GATAD2A: variants seen among roughly 807,000 people sequenced by gnomAD.
The protein encoded by GATAD2A is transcriptional repressor p66-alpha.
Under a neutral mutation model 68.5 loss-of-function variants are expected in GATAD2A, and 12 were observed. The ratio of observed to expected loss-of-function variants is 0.18; its 90% CI spans 0.11 to 0.28. The LOEUF (loss-of-function observed/expected upper bound fraction) is 0.28, where lower values mean the gene tolerates loss of function less well. Among genes scored for constraint, GATAD2A ranks in the 10% least tolerant of loss-of-function variants. The pLI is 1.00. For synonymous variants in GATAD2A, 410 were observed against 375.3 expected (o/e 1.09, Z -1.07); for missense variants, 755 against 868.5 (o/e 0.87, Z 1.64).
chr19:19,447,698 C>T (rs1485083576), intron 1 of GATAD2A, among the ~76,000 whole-genome samples: 1 of 152,210 alleles, frequency 6.6e-6, no homozygotes, highest in East Asian at 1.9e-4. Context: ...GGCTGTGATC[C>T]TCCCTGTGGC....
intron 1 of GATAD2A, among the ~76,000 whole-genome samples, chr19:19,443,607 G>A (rs1382007715): frequency 6.6e-6 from 1 of 152,172 alleles, no homozygotes; most frequent in African/African-American, 2.4e-5. Context: ...GGAGAAAGGA[G>A]CGGCATGTGG....
chr19:19,430,684 G>A (rs1212281826), intron 1 of GATAD2A, among the ~76,000 whole-genome samples: 1 of 152,150 alleles, frequency 6.6e-6, no homozygotes, highest in Non-Finnish European at 1.5e-5. Flanking sequence ...CGGATCAGGT[G>A]CTGACAGCTG....
chr19:19,464,746 G>A (rs976138064), intron 1 of GATAD2A: 1 of 160,314 alleles, frequency 6.2e-6, no homozygotes, highest in Admixed American at 5.8e-5. Flanking sequence ...TACTCAAAGT[G>A]TACCTCACTG....
rs1472945656 is a variant in GATAD2A, at chr19:19,500,225, C to T, written c.1205-893C>T. 2.0e-5 allele frequency among the ~76,000 whole-genome samples: 3 copies of T among 152,238 alleles called. No homozygotes were observed. In the South Asian group the frequency reaches 6.2e-4, roughly 31 times the overall value. On this transcript the variant is annotated intron_variant, in intron 8 of 11. Transcript: ENST00000683918. Reference sequence around the variant, plus strand: ...CCATGTCTGGTTCTGGCGCCGCTCACGCTGGCCATGGGTTGGACGTGTGCA... The same window carrying T: ...CCATGTCTGGTTCTGGCGCCGCTCATGCTGGCCATGGGTTGGACGTGTGCA...
intron 2 of GATAD2A, among the ~76,000 whole-genome samples, chr19:19,484,532 CTTTTTTT>C (rs897099165): frequency 1.6e-3 from 135 of 86,978 alleles, no homozygotes; most frequent in Non-Finnish European, 2.3e-3. Context: ...TTTTTTTTTT[CTTTTTTT>C]TTTTTTTTTT....
At chr19:19,434,902 G>A (rs746009947) in intron 1 of GATAD2A, among the ~76,000 whole-genome samples, 46 of 152,188 alleles carry the variant, frequency 3.0e-4, no homozygotes, top group Non-Finnish European at 5.9e-4. Context: ...GGAGGGTGAA[G>A]TCCGCTCATT....
In GATAD2A at chr19:19,494,918, G is replaced by A. The variant is rs530500413; in HGVS notation, c.624+535G>A. Among the ~76,000 whole-genome samples, 3 of 152,330 alleles carry A rather than the reference G, an allele frequency of 2.0e-5. No homozygotes were observed. The South Asian group carries it at 6.2e-4, about 32-fold the overall frequency. Reference sequence around the variant, plus strand: ...CTCAGGAGTGAGCCCAGGTTTGCACGGCTCTGGGTGGAGTCACTATTCCTT... The same window carrying A: ...CTCAGGAGTGAGCCCAGGTTTGCACAGCTCTGGGTGGAGTCACTATTCCTT... On this transcript the variant is annotated intron_variant, in intron 5 of 11. Transcript: ENST00000683918.
chr19:19,399,063 A>G (rs1183891936), intron 1 of GATAD2A, among the ~76,000 whole-genome samples: 1 of 151,740 alleles, frequency 6.6e-6, no homozygotes, highest in Non-Finnish European at 1.5e-5. Flanking sequence ...CGTCTCAAAA[A>G]AAAAGCAAAA....
At chr19:19,464,612 G>T (rs560433184) in intron 1 of GATAD2A, 1 of 152,560 alleles carries the variant, frequency 6.6e-6, no homozygotes, top group Admixed American at 6.5e-5. Context: ...TGTGGAGCCA[G>T]TGATGTCATG....
At chr19:19,386,367 G>A (rs2048418543) in intron 1 of GATAD2A, among the ~76,000 whole-genome samples, 1 of 149,596 alleles carries the variant, frequency 6.7e-6, no homozygotes, top group Non-Finnish European at 1.5e-5. Context: ...GGACACACCC[G>A]CCTCTCTAGG....
chr19:19,492,550 C>A lies in GATAD2A; in HGVS notation c.403-31C>A, dbSNP rs763015966. ...CCTCTGCTCCTCACCAAGGACGCTC[C>A]CTCTCAACCCTGTTCCTCTCGCCCC... On this transcript the variant is annotated intron_variant, in intron 3 of 11. Coordinates refer to ENST00000683918, the MANE Select transcript of GATAD2A (RefSeq NM_001384528.1). The A allele has an allele frequency of 1.1e-5, 18 of 1,613,108 alleles. No homozygotes were observed. The South Asian group carries it at 1.9e-4, about 17-fold the overall frequency.
chr19:19,465,244 G>A lies in GATAD2A; in HGVS notation c.-6-96G>A, dbSNP rs1025667279. On this transcript the variant is annotated intron_variant, in intron 1 of 11. Transcript: ENST00000683918. ...CATTCTTTTGCCATCCTTCCCATAG[G>A]GAGGAAAACACTGAAAGCAACACTG... The A allele has an allele frequency of 3.3e-6, 3 of 910,086 alleles. No homozygotes were observed. In the Admixed American group the frequency reaches 5.6e-5, roughly 17 times the overall value. 56.4% of individuals were successfully genotyped at this position (910,086 alleles called of 1,614,324 possible).
At chr19:19,434,811 C>T (rs1468579754) in intron 1 of GATAD2A, among the ~76,000 whole-genome samples, 1 of 152,168 alleles carries the variant, frequency 6.6e-6, no homozygotes, top group Non-Finnish European at 1.5e-5. Context: ...GTCTGTAAGA[C>T]AGGCAGCCTC....
At chr19:19,416,503 G>T (rs2051663168) in intron 1 of GATAD2A, among the ~76,000 whole-genome samples, 1 of 152,158 alleles carries the variant, frequency 6.6e-6, no homozygotes, top group Non-Finnish European at 1.5e-5. Flanking sequence ...CCAGAGATGA[G>T]ATCAGGTGAC....
intron 1 of GATAD2A, among the ~76,000 whole-genome samples, chr19:19,389,829 C>A (rs561356534): frequency 5.3e-4 from 81 of 152,258 alleles, no homozygotes; most frequent in Admixed American, 9.2e-4. Flanking sequence ...GTGGTGCGAT[C>A]TCGGCTCACT....
At position 19,507,268 on chromosome 19, in the gene GATAD2A, ATC is replaced by A. The variant is rs1374945039; in HGVS notation, c.*1795_*1796del. 2.0e-5 allele frequency: 3 copies of A among 151,188 alleles called. No homozygotes were observed. The highest frequency in any genetic ancestry group is 1.3e-4 in the Admixed American group (2 of 15,168). The allele number at this position is 151,188 out of a possible 1,614,324, so 9.4% of individuals were successfully genotyped here. A position where few individuals can be genotyped will look rare whatever the true frequency, so the allele number is the denominator to read the frequency against. Reference sequence around the variant, plus strand: ...TTTTACACCAAAAAAAAAAAAAAAAATCAAGAGTATGCAAGCATTTCTATTCC... The same window carrying A: ...TTTTACACCAAAAAAAAAAAAAAAAAAAGAGTATGCAAGCATTTCTATTCC... On this transcript the variant is annotated 3_prime_UTR_variant, in exon 12 of 12. Transcript: ENST00000683918.
At chr19:19,444,403 GC>G (rs1568291386) in intron 1 of GATAD2A, among the ~76,000 whole-genome samples, 1 of 152,114 alleles carries the variant, frequency 6.6e-6, no homozygotes, top group Non-Finnish European at 1.5e-5. Flanking sequence ...TGCCTGCTGT[GC>G]CCCCCACTCC....
chr19:19,488,921 G>A (rs1468844476), intron 2 of GATAD2A, among the ~76,000 whole-genome samples: 1 of 152,188 alleles, frequency 6.6e-6, no homozygotes, highest in Non-Finnish European at 1.5e-5. Context: ...GTGAATGGCA[G>A]ACGCTGTCCC....
intron 1 of GATAD2A, among the ~76,000 whole-genome samples, chr19:19,445,276 T>G (rs1201077369): frequency 1.3e-5 from 2 of 152,152 alleles, no homozygotes; most frequent in Admixed American, 1.3e-4. Context: ...AAGGACCCAG[T>G]TCTGTGCTGT....
Sources: gnomAD v4.1 joint callset for allele counts (sites outside exome capture counted in the v4.1 genomes callset) on GRCh38, gnomAD v4.1.1 for gene constraint, MANE v1.5 for transcripts, NCBI Gene and HGNC (gene_info 2026-07-23, HGNC 2026-07-21) for gene names.